Variants in ATP10A observed in about 807,000 individuals in gnomAD.
ATP10A encodes the protein phospholipid-transporting ATPase VA.
A neutral mutation model predicts 147.8 loss-of-function variants in ATP10A; 111 were observed. That is an observed-to-expected ratio of 0.75 (90% confidence interval 0.64 to 0.88). ATP10A has a LOEUF of 0.88. ATP10A is among the 40% of genes least tolerant of loss of function. The pLI is 0.00. For synonymous variants in ATP10A, 875 were observed against 841.6 expected (o/e 1.04, Z -0.69); for missense variants, 1,927 against 1,959.0 (o/e 0.98, Z 0.31).
At chr15:25,724,162 A>G in intron 5 of ATP10A, 141 bp from the exon 6 acceptor site, 1 of 896,650 alleles carries the variant, frequency 1.1e-6, no homozygotes, top group Non-Finnish European at 1.6e-6. Flanking sequence ...CCATGTCAGA[A>G]AGCGAAAACA....
chr15:25,859,544 TC>T (rs1287403144), intron 1 of ATP10A, among the ~76,000 whole-genome samples: 2 of 151,400 alleles, frequency 1.3e-5, no homozygotes, highest in Non-Finnish European at 2.9e-5. Context: ...GGGTGGCCCT[TC>T]CCCCCTGCAG....
At chr15:25,780,029 G>A (rs1005139459) in intron 2 of ATP10A, among the ~76,000 whole-genome samples, 4 of 152,184 alleles carry the variant, frequency 2.6e-5, no homozygotes, top group African/African-American at 9.6e-5. Flanking sequence ...CGGTGACCGG[G>A]GGCATCTAGA....
Position 25,708,188 on chromosome 15 carries a change from C to G in ATP10A, c.2448+9G>C. On this transcript the variant is annotated intron_variant, in intron 11 of 20. Transcript: ENST00000555815. ...GCACGTGCACCCTCGCGGAGACACC[C>G]CCACTCACTCTCTTGGCGATGCACA... The G allele has an allele frequency of 3.1e-6, 5 of 1,614,214 alleles. No individual in the cohort carries two copies. The highest frequency in any genetic ancestry group is 1.6e-4 in the Middle Eastern group (1 of 6,062).
intron 15 of ATP10A, among the ~76,000 whole-genome samples, chr15:25,690,301 T>C (rs1026557683): frequency 1.3e-5 from 2 of 150,882 alleles, no homozygotes; most frequent in African/African-American, 4.9e-5. Context: ...TTGAGTGCAG[T>C]GGTGCAATCA....
At chr15:25,797,209 C>T (rs1046294894) in intron 1 of ATP10A, among the ~76,000 whole-genome samples, 3 of 152,194 alleles carry the variant, frequency 2.0e-5, no homozygotes, top group African/African-American at 7.2e-5. Context: ...TACGGGAGAT[C>T]ATGCAGTGTT....
At chr15:25,848,359 G>A (rs1354695987) in intron 1 of ATP10A, among the ~76,000 whole-genome samples, 1 of 152,080 alleles carries the variant, frequency 6.6e-6, no homozygotes, top group Non-Finnish European at 1.5e-5. Flanking sequence ...CATAATCACA[G>A]CCCAGTGCAA....
chr15:25,687,951 C>A (rs113623485), intron 15 of ATP10A, 123 bp from the exon 16 acceptor site: 25 of 1,394,012 alleles, frequency 1.8e-5, no homozygotes, highest in South Asian at 2.4e-5. Context: ...ACAGTGCGAG[C>A]GTGGCCGGCC....
At chr15:25,811,990 C>T (rs1025089518) in intron 1 of ATP10A, among the ~76,000 whole-genome samples, 4 of 152,208 alleles carry the variant, frequency 2.6e-5, no homozygotes, top group Admixed American at 1.3e-4. Context: ...AGAAGCATCA[C>T]GGAGAGACTG....
intron 2 of ATP10A, among the ~76,000 whole-genome samples, chr15:25,746,443 C>A (rs1423280780): frequency 1.3e-5 from 2 of 151,928 alleles, no homozygotes; most frequent in African/African-American, 2.4e-5. Context: ...ATAAAACAGT[C>A]AAAAAACCAG....
intron 13 of ATP10A, among the ~76,000 whole-genome samples, chr15:25,700,214 G>A (rs576386129): frequency 3.9e-5 from 6 of 152,104 alleles, no homozygotes; most frequent in Admixed American, 6.5e-5. Flanking sequence ...GGGGCTAGCA[G>A]AAAAAAAATC....
chr15:25,824,559 G>GTT lies in ATP10A; in HGVS notation c.449+38087_449+38088dup, dbSNP rs61050447. Among the ~76,000 whole-genome samples, 176 of 120,196 alleles carry GTT rather than the reference G, an allele frequency of 1.5e-3. 1 individual carries two copies. In the South Asian group the frequency reaches 0.025, roughly 17 times the overall value. 78.9% of individuals were successfully genotyped at this position (120,196 alleles called of 152,430 possible). ...TTTAACATTCTCACTTTTTGTGTGT[G>GTT]TTTTTTTTTTTTTTTGCATTTTAAC... On this transcript the variant is annotated intron_variant, in intron 1 of 20. Transcript: ENST00000555815.
In ATP10A at chr15:25,716,768, T is replaced by G; in HGVS notation, c.1738A>C (p.Thr580Pro). Residue 580 changes from threonine to proline, a missense_variant, in exon 9 of 21, where the codon ACA (threonine) becomes CCA (proline). Transcript: ENST00000555815. ...DFFIALTICNTVVVTSPDQPR... is the reference protein window; with the variant it reads ...DFFIALTICNPVVVTSPDQPR... ...TGATCCGGGGACGTGACGACGACTG[T>G]GTTGCAGATGGTGAGTGCGATGAAG... 1 of 1,604,554 alleles carries G rather than the reference T, an allele frequency of 6.2e-7. No homozygotes were observed. The highest frequency in any genetic ancestry group is 8.5e-7 in the Non-Finnish European group (1 of 1,175,792).
intron 2 of ATP10A, among the ~76,000 whole-genome samples, chr15:25,770,952 G>A (rs1322022254): frequency 6.6e-6 from 1 of 152,204 alleles, no homozygotes; most frequent in East Asian, 1.9e-4. Flanking sequence ...ACAGGGGATT[G>A]AGGCCCTGAA....
chr15:25,800,007 AAAG>A (rs1270851790), intron 1 of ATP10A, among the ~76,000 whole-genome samples: 1 of 152,172 alleles, frequency 6.6e-6, no homozygotes, highest in Non-Finnish European at 1.5e-5. Flanking sequence ...CAGGAATTCT[AAAG>A]AAGGAGGAAA....
intron 2 of ATP10A, among the ~76,000 whole-genome samples, chr15:25,748,234 T>C (rs780697879): frequency 7.2e-5 from 11 of 152,304 alleles, no homozygotes; most frequent in Non-Finnish European, 1.6e-4. Flanking sequence ...AGTGCTGGGA[T>C]TACAGGTGTG....
In ATP10A at chr15:25,780,026, C is replaced by T. The variant is rs556179040; in HGVS notation, c.654+993G>A. 3.3e-4 allele frequency among the ~76,000 whole-genome samples: 50 copies of T among 152,288 alleles called. 1 individual carries two copies. In the East Asian group the frequency reaches 7.6e-3, roughly 23 times the overall value. On this transcript the variant is annotated intron_variant, in intron 2 of 20. Transcript: ENST00000555815. ...AGGCATCTCCCCCTGTGACGGTGACCGGGGGCATCTAGAGCGGAGACAGGG... is the reference window on the plus strand; with the variant it reads ...AGGCATCTCCCCCTGTGACGGTGACTGGGGGCATCTAGAGCGGAGACAGGG...
intron 12 of ATP10A, among the ~76,000 whole-genome samples, chr15:25,707,684 T>C (rs887989060): frequency 6.6e-6 from 1 of 152,180 alleles, no homozygotes; most frequent in Non-Finnish European, 1.5e-5. Flanking sequence ...AACTCCCAAC[T>C]GTCAGAAATC....
intron 1 of ATP10A, among the ~76,000 whole-genome samples, chr15:25,839,551 C>G (rs1230750989): frequency 6.6e-6 from 1 of 152,130 alleles, no homozygotes; most frequent in African/African-American, 2.4e-5. Context: ...GCGGCAGGCT[C>G]GTCCTCTCTC....
chr15:25,725,978 C>G lies in ATP10A; in HGVS notation c.952G>C (p.Val318Leu). 1 of 1,613,666 alleles carries G rather than the reference C, an allele frequency of 6.2e-7. No homozygotes were observed. The highest frequency in any genetic ancestry group is 8.5e-7 in the Non-Finnish European group (1 of 1,179,716). Residue 318 changes from valine (V) to leucine (L), a missense_variant, in exon 5 of 21, where the codon GTT becomes CTT. Val to Leu is a conservative substitution (Grantham distance 32, BLOSUM62 1). Transcript: ENST00000555815. ...ACTGCTGAAAACAGAGACATGCAAA[C>G]AAGGAGCAGGACACACCAGAGCACG... is the stretch of plus-strand genomic sequence containing the variant. The part of the protein sequence containing the change: ...CDVLWCVLLL[V>L]CMSLFSAVGH...
Sources: allele counts gnomAD v4.1 joint callset (sites outside exome capture counted in the v4.1 genomes callset), GRCh38; gene constraint gnomAD v4.1.1; transcripts MANE v1.5; gene names NCBI Gene and HGNC (gene_info 2026-07-23, HGNC 2026-07-21).